The following PAPSS1 variants were observed in gnomAD, a reference collection of about 807,000 sequenced individuals.
The protein encoded by PAPSS1 is 3'-phosphoadenosine 5'-phosphosulfate synthase 1, also known as bifunctional 3'-phosphoadenosine 5'-phosphosulfate synthase 1.
PAPSS1 carries 50 observed loss-of-function variants against 72.0 expected under a neutral mutation model. That is an observed-to-expected ratio of 0.69 (90% CI 0.55 to 0.88). The LOEUF (loss-of-function observed/expected upper bound fraction) is 0.88. Ranked by LOEUF, PAPSS1 falls within the 40% of genes least tolerant of loss-of-function variation. The probability of loss-of-function intolerance (pLI) is 0.00; values close to 1 mark genes in which losing one functional copy is unlikely to be tolerated. For missense variants in PAPSS1, 657 were observed against 782.2 expected (o/e 0.84, Z 1.91); for synonymous variants, 261 against 263.6 (o/e 0.99, Z 0.09).
At chr4:107,616,709 T>C (rs1294320725) in intron 11 of PAPSS1, among the ~76,000 whole-genome samples, 10 of 152,192 alleles carry the variant, frequency 6.6e-5, no homozygotes, top group African/African-American at 1.9e-4. Context: ...TTTATTCAAA[T>C]GTAACAAATT....
Position 107,631,739 on chromosome 4 carries a change from GCA to G in PAPSS1, c.1626_1627del (p.Ala543GlnfsTer33). 1 of 1,614,010 alleles carries G rather than the reference GCA, an allele frequency of 6.2e-7. No individual in the cohort carries two copies. Among genetic ancestry groups the G allele is most frequent in the East Asian group, 2.2e-5 (1 of 44,866 alleles). Reference sequence around the variant, plus strand: ...ACCAGGGGCCATCGTCAGCACTTTGGCACCATGACTTGGCTCATAAAGATCCT... The same window carrying G: ...ACCAGGGGCCATCGTCAGCACTTTGGCCATGACTTGGCTCATAAAGATCCT... On this transcript the variant is annotated frameshift_variant, in exon 11 of 12. Coordinates refer to ENST00000265174, the MANE Select transcript of PAPSS1 (RefSeq NM_005443.5). LOFTEE classifies it high-confidence loss of function.
chr4:107,640,889 A>G (rs1438989652), intron 10 of PAPSS1, among the ~76,000 whole-genome samples: 1 of 152,216 alleles, frequency 6.6e-6, no homozygotes, highest in Admixed American at 6.5e-5. Context: ...CACAGCTTTA[A>G]CGTGCCTCTT....
At position 107,656,963 on chromosome 4, in the gene PAPSS1, G is replaced by T; in HGVS notation, c.828C>A (p.Thr276=). ...WVQVLAEGWA[T]PLNGFMRERE... is the part of the protein sequence containing the mutation. ...TCTCTCTCATAAAGCCATTCAATGG[G>T]GTTGCCCAACCTTCTGCCAAAACCT... The change falls in exon 7 of 12, where the codon ACC becomes ACA. Residue 276 remains threonine, a synonymous_variant. Coordinates refer to ENST00000265174, the MANE Select transcript of PAPSS1 (RefSeq NM_005443.5). The T allele has an allele frequency of 1.2e-6, 2 of 1,613,888 alleles. No homozygotes were observed. The highest frequency in any genetic ancestry group is 1.7e-6 in the Non-Finnish European group (2 of 1,179,886).
At chr4:107,690,683 T>G (rs967937876) in intron 3 of PAPSS1, among the ~76,000 whole-genome samples, 1 of 152,222 alleles carries the variant, frequency 6.6e-6, no homozygotes, top group African/African-American at 2.4e-5. Context: ...AAAATACACA[T>G]GTCCTGTATT....
intron 9 of PAPSS1, 22 bp from the exon 10 acceptor site, chr4:107,645,092 T>G: frequency 6.8e-7 from 1 of 1,478,402 alleles, no homozygotes; most frequent in African/African-American, 1.4e-5. Flanking sequence ...ATTTCCAGAG[T>G]TAAGAATAGC....
At chr4:107,672,451 C>T (rs1438532443) in intron 5 of PAPSS1, among the ~76,000 whole-genome samples, 1 of 152,190 alleles carries the variant, frequency 6.6e-6, no homozygotes, top group Non-Finnish European at 1.5e-5. Flanking sequence ...GTCCTATGCC[C>T]ACGGAGCCTC....
chr4:107,682,137 C>A lies in PAPSS1; in HGVS notation c.551-4G>T. On this transcript the variant is annotated splice_region_variant and splice_polypyrimidine_tract_variant and intron_variant, in intron 4 of 11. Transcript: ENST00000265174. The stretch of plus-strand genomic sequence containing the variant: ...TCAGAATCGATCCCAGTGAAACCTG[C>A]AAAAGGTAACAGATAATAGAGTAGG... The A allele has an allele frequency of 7.3e-7, 1 of 1,379,110 alleles. No homozygotes were observed. The highest frequency in any genetic ancestry group is 1.0e-6 in the Non-Finnish European group (1 of 972,700). The allele number at this position is 1,379,110 out of a possible 1,614,324, so 85.4% of individuals were successfully genotyped here. A position where few individuals can be genotyped will look rare whatever the true frequency, so the allele number is the denominator to read the frequency against.
At chr4:107,688,142 C>T (rs1346584427) in intron 3 of PAPSS1, among the ~76,000 whole-genome samples, 1 of 152,176 alleles carries the variant, frequency 6.6e-6, no homozygotes, top group Non-Finnish European at 1.5e-5. Flanking sequence ...TGAACTCCTA[C>T]AGGACCTGTT....
At chr4:107,653,744 C>G in intron 8 of PAPSS1, 118 bp from the exon 9 acceptor site, 1 of 662,084 alleles carries the variant, frequency 1.5e-6, no homozygotes, top group African/African-American at 1.9e-5. Context: ...TGAGGTAAAT[C>G]TGACTTATCA....
At chr4:107,638,616 C>G (rs1726450682) in intron 10 of PAPSS1, among the ~76,000 whole-genome samples, 1 of 152,086 alleles carries the variant, frequency 6.6e-6, no homozygotes, top group African/African-American at 2.4e-5. Flanking sequence ...CCTCTTCCTG[C>G]CTCCCAAACC....
chr4:107,671,840 TTC>T (rs1727477159), intron 5 of PAPSS1, among the ~76,000 whole-genome samples: 1 of 152,258 alleles, frequency 6.6e-6, no homozygotes, highest in Non-Finnish European at 1.5e-5. Flanking sequence ...TAAAATTGTA[TTC>T]TTTTTCATTG....
At chr4:107,689,189 T>C (rs1282083167) in intron 3 of PAPSS1, among the ~76,000 whole-genome samples, 1 of 152,234 alleles carries the variant, frequency 6.6e-6, no homozygotes, top group Admixed American at 6.5e-5. Flanking sequence ...CCTACTGAAC[T>C]CTTCAGAGAC....
At chr4:107,670,141 C>G (rs1331704416) in intron 5 of PAPSS1, among the ~76,000 whole-genome samples, 1 of 152,134 alleles carries the variant, frequency 6.6e-6, no homozygotes, top group African/African-American at 2.4e-5. Context: ...ATAAACAGAA[C>G]AAGTTATTTT....
At chr4:107,719,289 A>T (rs2125946297) in intron 1 of PAPSS1, among the ~76,000 whole-genome samples, 1 of 152,176 alleles carries the variant, frequency 6.6e-6, no homozygotes, top group Non-Finnish European at 1.5e-5. Flanking sequence ...TTCCGTCTAA[A>T]CTTAAACCAG....
chr4:107,667,449 A>G (rs1234526241), intron 5 of PAPSS1, among the ~76,000 whole-genome samples: 1 of 152,182 alleles, frequency 6.6e-6, no homozygotes, highest in Non-Finnish European at 1.5e-5. Context: ...GCCAGGCAAG[A>G]AAGTGGGTAG....
chr4:107,648,868 T>C (rs1014887581), intron 9 of PAPSS1, among the ~76,000 whole-genome samples: 1 of 152,206 alleles, frequency 6.6e-6, no homozygotes. Flanking sequence ...GTCTTTCTTT[T>C]ACTCAAACTG....
chr4:107,636,806 A>T (rs1189523983), intron 10 of PAPSS1, among the ~76,000 whole-genome samples: 1 of 152,216 alleles, frequency 6.6e-6, no homozygotes, highest in Non-Finnish European at 1.5e-5. Flanking sequence ...GGAAGGCAGA[A>T]CATGGGCTAC....
intron 5 of PAPSS1, among the ~76,000 whole-genome samples, chr4:107,667,922 G>A (rs1301237553): frequency 3.3e-5 from 5 of 152,174 alleles, no homozygotes; most frequent in South Asian, 2.1e-4. Context: ...AACCCAGATA[G>A]TGTTGTCTTT....
At chr4:107,685,106 G>A (rs150921405) in intron 4 of PAPSS1, among the ~76,000 whole-genome samples, 397 of 152,166 alleles carry the variant, frequency 2.6e-3, no homozygotes, top group African/African-American at 9.1e-3. Flanking sequence ...GGGTTTCACC[G>A]TGTTAGCGAG....
Sources: allele counts gnomAD v4.1 joint callset (sites outside exome capture counted in the v4.1 genomes callset), GRCh38; gene constraint gnomAD v4.1.1; transcripts MANE v1.5; gene names NCBI Gene and HGNC (gene_info 2026-07-23, HGNC 2026-07-21).